GRB10: variants seen among roughly 807,000 people sequenced by gnomAD.
GRB10 encodes growth factor receptor-bound protein 10.
A neutral mutation model predicts 80.9 loss-of-function variants in GRB10; 20 were observed. That is an observed-to-expected ratio of 0.25 (90% CI 0.17 to 0.36). The LOEUF (loss-of-function observed/expected upper bound fraction) is 0.36, where lower values mean the gene tolerates loss of function less well. Among genes scored for constraint, GRB10 ranks in the 10% least tolerant of loss-of-function variants. The probability of loss-of-function intolerance (pLI) is 1.00; values close to 1 mark genes in which losing one functional copy is unlikely to be tolerated. For synonymous variants in GRB10, 291 were observed against 291.5 expected (o/e 1.00, Z 0.02); for missense variants, 548 against 747.7 (o/e 0.73, Z 3.12).
chr7:50,700,095 C>T (rs181549830), intron 5 of GRB10, among the ~76,000 whole-genome samples: 428 of 150,712 alleles, frequency 2.8e-3, no homozygotes, highest in African/African-American at 9.5e-3. Flanking sequence ...GCCGAGATCT[C>T]ACCACTGCAC....
At chr7:50,604,185 C>T (rs1444281657) in intron 16 of GRB10, 100 bp from the exon 17 acceptor site, 12 of 1,295,342 alleles carry the variant, frequency 9.3e-6, no homozygotes, top group African/African-American at 7.3e-5. Flanking sequence ...GCCCCTGACT[C>T]CCCCAGCTAC....
intron 5 of GRB10, among the ~76,000 whole-genome samples, chr7:50,698,577 G>A (rs1312288839): frequency 3.3e-5 from 5 of 152,174 alleles, no homozygotes; most frequent in Non-Finnish European, 5.9e-5. Flanking sequence ...CTGTTCTGCC[G>A]TGATTTCACT....
chr7:50,785,976 T>C (rs932980789), upstream of GRB10, among the ~76,000 whole-genome samples: 2 of 152,122 alleles, frequency 1.3e-5, no homozygotes, highest in African/African-American at 4.8e-5. Flanking sequence ...GGATTCCCAG[T>C]AGTGGGAGAG....
At chr7:50,667,523 T>G (rs1027469550) in intron 7 of GRB10, among the ~76,000 whole-genome samples, 5 of 152,126 alleles carry the variant, frequency 3.3e-5, no homozygotes, top group African/African-American at 1.2e-4. Context: ...TCCCCCACCG[T>G]GATCCTAGAT....
chr7:50,777,248 A>C (rs529777654), intron 2 of GRB10, among the ~76,000 whole-genome samples: 1 of 152,272 alleles, frequency 6.6e-6, no homozygotes, highest in East Asian at 1.9e-4. Flanking sequence ...ATATGGTGGA[A>C]GAGCAGAAGA....
intron 17 of GRB10, among the ~76,000 whole-genome samples, chr7:50,597,193 C>A (rs1037793414): frequency 6.6e-6 from 1 of 152,180 alleles, no homozygotes; most frequent in Non-Finnish European, 1.5e-5. Flanking sequence ...TCCAATCTTA[C>A]CTATGTAGAA....
chr7:50,769,885 C>T (rs1425201270), intron 2 of GRB10, among the ~76,000 whole-genome samples: 1 of 152,156 alleles, frequency 6.6e-6, no homozygotes, highest in Non-Finnish European at 1.5e-5. Flanking sequence ...GGTGGATGAT[C>T]GAATGACGTT....
intron 5 of GRB10, among the ~76,000 whole-genome samples, chr7:50,696,480 G>A (rs2063436939): frequency 6.6e-6 from 1 of 152,210 alleles, no homozygotes; most frequent in Non-Finnish European, 1.5e-5. Context: ...AGCACTCACT[G>A]GCAGCCTCTC....
intron 18 of GRB10, 62 bp from the exon 19 acceptor site, chr7:50,593,160 C>T: frequency 6.3e-7 from 1 of 1,588,444 alleles, no homozygotes; most frequent in Non-Finnish European, 8.6e-7. Flanking sequence ...CAGAACGGGG[C>T]CCACGGCCAG....
chr7:50,642,562 T>C (rs963514313), intron 7 of GRB10, among the ~76,000 whole-genome samples: 1 of 151,966 alleles, frequency 6.6e-6, no homozygotes, highest in African/African-American at 2.4e-5. Context: ...TCCAAAAAAC[T>C]CTAAAATCTG....
At chr7:50,622,212 A>G (rs1296088240) in intron 8 of GRB10, among the ~76,000 whole-genome samples, 1 of 152,220 alleles carries the variant, frequency 6.6e-6, no homozygotes, top group African/African-American at 2.4e-5. Flanking sequence ...ACTTCTATTT[A>G]TAAATTTTAG....
chr7:50,635,172 T>C (rs933572875), intron 7 of GRB10, among the ~76,000 whole-genome samples: 6 of 152,200 alleles, frequency 3.9e-5, no homozygotes, highest in Non-Finnish European at 4.4e-5. Context: ...ATCAAAACCA[T>C]ATCAAGTATC....
At chr7:50,744,571 T>C (rs1476955773) in intron 3 of GRB10, among the ~76,000 whole-genome samples, 1 of 152,252 alleles carries the variant, frequency 6.6e-6, no homozygotes. Flanking sequence ...TTACATACTG[T>C]ATTCTTAGAA....
At chr7:50,787,256 G>A (rs2078731083), upstream of GRB10, among the ~76,000 whole-genome samples, 1 of 134,558 alleles carries the variant, frequency 7.4e-6, no homozygotes. Flanking sequence ...TGAAAAATGG[G>A]GCTCTGGAGA....
At chr7:50,656,960 C>T (rs1295031710) in intron 7 of GRB10, among the ~76,000 whole-genome samples, 4 of 152,206 alleles carry the variant, frequency 2.6e-5, no homozygotes, top group Non-Finnish European at 5.9e-5. Context: ...GCACTCCAGG[C>T]ACCCAGTGAA....
At chr7:50,775,176 A>AAAAAAAC (rs1362734309) in intron 2 of GRB10, among the ~76,000 whole-genome samples, 1 of 148,708 alleles carries the variant, frequency 6.7e-6, no homozygotes, top group African/African-American at 2.5e-5. Context: ...AAAAAAAACA[A>AAAAAAAC]AAAAAAACAG....
intron 8 of GRB10, among the ~76,000 whole-genome samples, chr7:50,623,516 G>C (rs2052285526): frequency 6.6e-6 from 1 of 152,200 alleles, no homozygotes; most frequent in Non-Finnish European, 1.5e-5. Context: ...CTCAGCGAGA[G>C]GGGCTACTCT....
chr7:50,697,932 G>A (rs548814515), intron 5 of GRB10, among the ~76,000 whole-genome samples: 2 of 152,306 alleles, frequency 1.3e-5, no homozygotes, highest in East Asian at 1.9e-4. Context: ...CAAGAGGGAG[G>A]ATGAACACTC....
intron 7 of GRB10, among the ~76,000 whole-genome samples, chr7:50,643,277 G>A (rs948452841): frequency 1.3e-5 from 2 of 152,064 alleles, no homozygotes; most frequent in Non-Finnish European, 2.9e-5. Context: ...AATGAGAAAC[G>A]TAACAGACAA....
Sources: allele counts gnomAD v4.1 joint callset (sites outside exome capture counted in the v4.1 genomes callset), GRCh38; gene constraint gnomAD v4.1.1; transcripts MANE v1.5; gene names NCBI Gene and HGNC (gene_info 2026-07-23, HGNC 2026-07-21).